The following DDB1 variants were observed in gnomAD, a reference collection of about 807,000 sequenced individuals.
DDB1 encodes damage specific DNA binding protein 1.
A neutral mutation model predicts 133.1 loss-of-function variants in DDB1; 18 were observed. The ratio of observed to expected loss-of-function variants is 0.14; its 90% CI spans 0.09 to 0.20. The LOEUF (loss-of-function observed/expected upper bound fraction) is 0.20, where lower values mean the gene tolerates loss of function less well. Among genes scored for constraint, DDB1 ranks in the 10% least tolerant of loss-of-function variants. The pLI is 1.00. For missense variants in DDB1, 828 were observed against 1,459.2 expected, an observed-to-expected ratio of 0.57 and a Z score of 7.05; for synonymous variants, 580 against 550.5, an observed-to-expected ratio of 1.05 and a Z score of -0.75.
At position 61,316,384 on chromosome 11, in the gene DDB1, C is replaced by A; in HGVS notation, c.1311G>T (p.Met437Ile). 6.2e-7 allele frequency: 1 copy of A among 1,614,114 alleles called. No homozygotes were observed. The highest frequency in any genetic ancestry group is 8.5e-7 in the Non-Finnish European group (1 of 1,179,980). ...LSFVGQTRVL[M>I]LNGEEVEETE... ...TTTCTTCTACCTCCTCTCCATTTAACATGAGAACTCTGCAGCAGAATGGAG... is the reference window on the plus strand; with the variant it reads ...TTTCTTCTACCTCCTCTCCATTTAAAATGAGAACTCTGCAGCAGAATGGAG... The change falls in exon 12 of 27, where the codon ATG becomes ATT. Residue 437 changes from methionine to isoleucine, a missense_variant. Met to Ile is a conservative substitution (Grantham distance 10, BLOSUM62 1). This residue lies in a region of DDB1 where 396 missense variants were observed against 554.1 expected (regional missense o/e 0.71). Coordinates refer to ENST00000301764, the MANE Select transcript of DDB1 (RefSeq NM_001923.5).
Position 61,313,877 on chromosome 11 carries a change from G to C in DDB1, c.1846C>G (p.Leu616Val). 6.2e-7 allele frequency: 1 copy of C among 1,614,142 alleles called. No individual in the cohort carries two copies. Among genetic ancestry groups the C allele is most frequent in the Non-Finnish European group, 8.5e-7 (1 of 1,180,020 alleles). The change falls in exon 15 of 27, where the codon CTC becomes GTC. Residue 616 changes from leucine (L) to valine (V), a missense_variant. Physicochemically the swap from Leu to Val is conservative, Grantham distance 32. This residue lies in a region of DDB1 where 396 missense variants were observed against 554.1 expected (regional missense o/e 0.71). Coordinates refer to ENST00000301764, the MANE Select transcript of DDB1 (RefSeq NM_001923.5). The stretch of plus-strand genomic sequence containing the variant: ...CTACTCTCACCTGTCTCAATGTTGA[G>C]CCCAAAGTAGAAAAGCGCTCCATCT... Reference protein sequence around the residue: ...LGDGALFYFGLNIETGLLSDR... With the variant: ...LGDGALFYFGVNIETGLLSDR...
chr11:61,328,373 T>C (rs1856304130), intron 4 of DDB1, among the ~76,000 whole-genome samples: 1 of 152,218 alleles, frequency 6.6e-6, no homozygotes, highest in South Asian at 2.1e-4. Context: ...TGGACTATCA[T>C]TTCCTTCCAT....
rs367836936 is a variant in DDB1 at position 61,314,292 on chromosome 11, A to G, written c.1589+16T>C. 7 of 1,601,068 alleles carry G rather than the reference A, an allele frequency of 4.4e-6. No individual in the cohort carries two copies. The highest frequency in any genetic ancestry group is 5.1e-6 in the Non-Finnish European group (6 of 1,174,036). ...GAAAAGAGGAGGAAAGCGAGCAGACAGAAAAACACACACACCTGATCTGCC... is the reference window on the plus strand; with the variant it reads ...GAAAAGAGGAGGAAAGCGAGCAGACGGAAAAACACACACACCTGATCTGCC... On this transcript the variant is annotated intron_variant, in intron 13 of 26. Coordinates refer to ENST00000301764, the MANE Select transcript of DDB1 (RefSeq NM_001923.5).
chr11:61,300,278 G>A (rs1855771722), intron 26 of DDB1, 59 bp from the exon 27 acceptor site: 1 of 1,533,830 alleles, frequency 6.5e-7, no homozygotes, highest in African/African-American at 1.4e-5. Context: ...CCACAGGTGG[G>A]GAAGGGAATG....
At chr11:61,316,986 T>TATAC (rs1856094296) in intron 10 of DDB1, among the ~76,000 whole-genome samples, 1 of 74,880 alleles carries the variant, frequency 1.3e-5, no homozygotes, top group Admixed American at 1.6e-4. Flanking sequence ...TATATATATA[T>TATAC]ATATATATAT....
chr11:61,314,151 T>C lies in DDB1; in HGVS notation c.1649A>G (p.Asn550Ser), dbSNP rs751189645. 3.1e-6 allele frequency: 5 copies of C among 1,613,898 alleles called. No homozygotes were observed. In the East Asian group the frequency reaches 6.7e-5, roughly 22 times the overall value. The change falls in exon 14 of 27, where the codon AAT (asparagine) becomes AGT (serine). Residue 550 changes from asparagine (N) to serine (S), a missense_variant. Coordinates refer to ENST00000301764, the MANE Select transcript of DDB1 (RefSeq NM_001923.5). ...CLDITPLGDSNGLSPLCAIGL... is the reference protein window; with the variant it reads ...CLDITPLGDSSGLSPLCAIGL... ...AATGGCACAAAGAGGGGACAGTCCATTGCTGTCTCCTAATGGGGTGATGTC... is the reference window on the plus strand; with the variant it reads ...AATGGCACAAAGAGGGGACAGTCCACTGCTGTCTCCTAATGGGGTGATGTC...
At chr11:61,309,176 C>A in intron 20 of DDB1, 99 bp from the exon 21 acceptor site, 2 of 1,073,878 alleles carry the variant, frequency 1.9e-6, no homozygotes, top group East Asian at 2.4e-5. Context: ...TCTTGCCCCC[C>A]AAAACCACTC....
At position 61,306,107 on chromosome 11, in the gene DDB1, C is replaced by G. The variant is rs1055293234; in HGVS notation, c.2662-2072G>C. Among the ~76,000 whole-genome samples, 13 of 152,200 alleles carry G rather than the reference C, an allele frequency of 8.5e-5. No individual in the cohort carries two copies. In the South Asian group the frequency reaches 1.7e-3, roughly 19 times the overall value. ...ATATTTCTATTGGCTGGCAACAGAACAGATATGTCCTCACCTGACCTCAAA... is the reference window on the plus strand; with the variant it reads ...ATATTTCTATTGGCTGGCAACAGAAGAGATATGTCCTCACCTGACCTCAAA... On this transcript the variant is annotated intron_variant, in intron 21 of 26. Coordinates refer to ENST00000301764, the MANE Select transcript of DDB1 (RefSeq NM_001923.5).
intron 25 of DDB1, chr11:61,301,481 G>GA (rs1159151785): frequency 1.3e-5 from 2 of 152,664 alleles, no homozygotes; most frequent in African/African-American, 4.8e-5. Context: ...TGAGATGGGA[G>GA]AATCACTTGA....
intron 12 of DDB1, chr11:61,316,032 T>C (rs1856059784): frequency 2.6e-6 from 1 of 380,680 alleles, no homozygotes; most frequent in Non-Finnish European, 4.7e-6. Flanking sequence ...ATATATATAA[T>C]GACCCGAGTC....
chr11:61,318,876 T>C (rs1399018804), intron 10 of DDB1, among the ~76,000 whole-genome samples: 3 of 152,230 alleles, frequency 2.0e-5, no homozygotes, highest in Non-Finnish European at 4.4e-5. Flanking sequence ...CAAATGACTA[T>C]CAATTATCCC....
At position 61,301,872 on chromosome 11, in the gene DDB1, TTTC is replaced by T. The variant is rs533331203; in HGVS notation, c.3215+382_3215+384del. ...TGTTTTCCGCTTCTTCACCTTTCCCTTTCTTCTGGTAGTTTCTCTAGTCTCAGA... is the reference window on the plus strand; with the variant it reads ...TGTTTTCCGCTTCTTCACCTTTCCCTTTCTGGTAGTTTCTCTAGTCTCAGA... On this transcript the variant is annotated intron_variant, in intron 25 of 26. Transcript: ENST00000301764. 1.7e-4 allele frequency: 29 copies of T among 168,622 alleles called. No individual in the cohort carries two copies. In the East Asian group the frequency reaches 4.4e-3, roughly 26 times the overall value. 10.4% of individuals were successfully genotyped at this position (168,622 alleles called of 1,614,324 possible). A position where few individuals can be genotyped will look rare whatever the true frequency, so the allele number is the denominator to read the frequency against.
At position 61,311,778 on chromosome 11, in the gene DDB1, C is replaced by T. The variant is rs753302742; in HGVS notation, c.2277+6G>A. 6.2e-7 allele frequency: 1 copy of T among 1,611,182 alleles called. No homozygotes were observed. Among genetic ancestry groups the T allele is most frequent in the South Asian group, 1.1e-5 (1 of 90,848 alleles). On this transcript the variant is annotated splice_donor_region_variant and intron_variant, in intron 18 of 26. Transcript: ENST00000301764. ...AAGGTCATCTTTCTTTGTCCACTGC[C>T]CTTACCTGGGTGCTAGCGCTGGGCC...
At chr11:61,323,314 A>G (rs1856215667) in intron 7 of DDB1, 1 of 555,804 alleles carries the variant, frequency 1.8e-6, no homozygotes, top group Admixed American at 3.1e-5. Flanking sequence ...AAAATCTATA[A>G]TTTGTCTTGC....
At position 61,315,928 on chromosome 11, in the gene DDB1, G is replaced by A. The variant is rs1332336774; in HGVS notation, c.1410+357C>T. On this transcript the variant is annotated intron_variant, in intron 12 of 26. Coordinates refer to ENST00000301764, the MANE Select transcript of DDB1 (RefSeq NM_001923.5). ...GGCATTTTCTAATTTTATAAATAAG[G>A]ATGTATCACTAGTTTAACAAAGGGA... 4 of 173,978 alleles carry A rather than the reference G, an allele frequency of 2.3e-5. 1 individual carries two copies. Among genetic ancestry groups the A allele is most frequent in the East Asian group, 3.1e-4 (2 of 6,360 alleles). 10.8% of individuals were successfully genotyped at this position (173,978 alleles called of 1,614,324 possible).
At chr11:61,322,164 A>G (rs1204578319) in intron 9 of DDB1, 132 bp downstream of exon 9, 14 of 749,114 alleles carry the variant, frequency 1.9e-5, no homozygotes, top group East Asian at 2.4e-5. Context: ...AGTTATCCTT[A>G]TATCACTGGG....
Position 61,311,776 on chromosome 11 carries a change from G to A in DDB1, c.2277+8C>T, listed in dbSNP as rs1284849176. 6.2e-7 allele frequency: 1 copy of A among 1,610,336 alleles called. No homozygotes were observed. The highest frequency in any genetic ancestry group is 1.7e-5 in the Admixed American group (1 of 58,858). On this transcript the variant is annotated splice_region_variant and intron_variant, in intron 18 of 26. Coordinates refer to ENST00000301764, the MANE Select transcript of DDB1 (RefSeq NM_001923.5). ...CTAAGGTCATCTTTCTTTGTCCACTGCCCTTACCTGGGTGCTAGCGCTGGG... is the reference window on the plus strand; with the variant it reads ...CTAAGGTCATCTTTCTTTGTCCACTACCCTTACCTGGGTGCTAGCGCTGGG...
intron 18 of DDB1, among the ~76,000 whole-genome samples, chr11:61,311,553 A>G (rs1252138071): frequency 2.0e-5 from 3 of 152,170 alleles, no homozygotes; most frequent in Non-Finnish European, 2.9e-5. Flanking sequence ...ATGGTGACAG[A>G]TGCTGCAAGG....
At chr11:61,325,913 T>C (rs1856262500) in intron 5 of DDB1, 2 of 638,940 alleles carry the variant, frequency 3.1e-6, no homozygotes, top group Non-Finnish European at 5.7e-6. Flanking sequence ...TGGTAGTATT[T>C]TTACTGCCAC....
Sources: allele counts gnomAD v4.1 joint callset (sites outside exome capture counted in the v4.1 genomes callset), GRCh38; gene constraint gnomAD v4.1.1; regional missense constraint gnomAD v4.1.1; transcripts MANE v1.5; gene names NCBI Gene and HGNC (gene_info 2026-07-23, HGNC 2026-07-21).